LMBR1: variants seen among roughly 807,000 people sequenced by gnomAD.
LMBR1 encodes limb development membrane protein 1.
LMBR1 carries 52 observed loss-of-function variants against 73.9 expected under a neutral mutation model. The observed-to-expected ratio is 0.70, with a 90% CI of 0.56 to 0.89. The LOEUF is 0.89. Ranked by LOEUF, LMBR1 falls within the 40% of genes least tolerant of loss-of-function variation. The pLI is 0.00. For synonymous variants in LMBR1, 215 were observed against 209.4 expected (o/e 1.03, Z -0.23); for missense variants, 539 against 579.8 (o/e 0.93, Z 0.72).
rs570526159 is a variant in LMBR1, at chr7:156,867,909, A to G, written c.66+25019T>C. Among the ~76,000 whole-genome samples, 78 of 152,348 alleles carry G rather than the reference A, an allele frequency of 5.1e-4. 1 individual carries two copies. The highest frequency in any genetic ancestry group is 8.1e-4 in the Non-Finnish European group (55 of 68,044). ...TAAAAACTACCGAATTGGATAAATT[A>G]TATGGTATGTGAATTAAATCAATAA... is the stretch of plus-strand genomic sequence containing the variant. On this transcript the variant is annotated intron_variant, in intron 1 of 16. Transcript: ENST00000353442.
At chr7:156,798,662 TG>T (rs1830434122) in intron 4 of LMBR1, among the ~76,000 whole-genome samples, 1 of 152,176 alleles carries the variant, frequency 6.6e-6, no homozygotes, top group African/African-American at 2.4e-5. Context: ...TTCAGATATG[TG>T]GGGTATAACA....
chr7:156,767,561 A>T (rs1459320627), intron 5 of LMBR1, among the ~76,000 whole-genome samples: 1 of 152,102 alleles, frequency 6.6e-6, no homozygotes, highest in African/African-American at 2.4e-5. Context: ...AAGTTAAATA[A>T]TGCTACTAAA....
intron 5 of LMBR1, among the ~76,000 whole-genome samples, chr7:156,788,946 G>A (rs1261627568): frequency 6.6e-6 from 1 of 152,160 alleles, no homozygotes; most frequent in Non-Finnish European, 1.5e-5. Context: ...TACTTGGAAG[G>A]CTGAGGCAGG....
At chr7:156,868,341 A>T (rs1798771426) in intron 1 of LMBR1, among the ~76,000 whole-genome samples, 2 of 151,930 alleles carry the variant, frequency 1.3e-5, no homozygotes, top group South Asian at 2.1e-4. Context: ...TTACAGGCAC[A>T]CACCCCCATG....
At position 156,893,165 on chromosome 7, in the gene LMBR1, C is replaced by T. The variant is rs1446668459; in HGVS notation, c.-172G>A. On this transcript the variant is annotated 5_prime_UTR_variant, in exon 1 of 17. Coordinates refer to ENST00000353442, the MANE Select transcript of LMBR1 (RefSeq NM_022458.4). ...ACACCGGCCGTCGCCTCAGCAGCCT[C>T]AGACGAGCAGCTCTGACTAAGGGAG... The T allele has an allele frequency of 3.8e-6, 2 of 523,884 alleles. No homozygotes were observed. Among genetic ancestry groups the T allele is most frequent in the Non-Finnish European group, 6.0e-6 (2 of 334,730 alleles). The allele number at this position is 523,884 out of a possible 1,614,324, so 32.5% of individuals were successfully genotyped here. A position where few individuals can be genotyped will look rare whatever the true frequency, so the allele number is the denominator to read the frequency against.
chr7:156,883,300 G>A (rs1345790014), intron 1 of LMBR1, among the ~76,000 whole-genome samples: 1 of 148,238 alleles, frequency 6.7e-6, no homozygotes, highest in Non-Finnish European at 1.5e-5. Context: ...TTGGGAGGCT[G>A]AGGCAGGAGA....
At chr7:156,825,066 T>C (rs1835437781) in intron 4 of LMBR1, among the ~76,000 whole-genome samples, 1 of 152,156 alleles carries the variant, frequency 6.6e-6, no homozygotes, top group South Asian at 2.1e-4. Flanking sequence ...AACTCAGAAA[T>C]TCCAAATTCA....
At chr7:156,751,365 C>T (rs929905413) in intron 9 of LMBR1, among the ~76,000 whole-genome samples, 2 of 152,198 alleles carry the variant, frequency 1.3e-5, no homozygotes, top group African/African-American at 4.8e-5. Flanking sequence ...GAGGAAAACA[C>T]AATAAAAATG....
intron 1 of LMBR1, among the ~76,000 whole-genome samples, chr7:156,883,871 G>T (rs796204026): frequency 1.1e-4 from 17 of 152,148 alleles, no homozygotes; most frequent in African/African-American, 4.1e-4. Flanking sequence ...ATAATTCAGG[G>T]TAATTCTCCT....
At chr7:156,698,090 G>A (rs182249789) in intron 15 of LMBR1, among the ~76,000 whole-genome samples, 15 of 152,296 alleles carry the variant, frequency 9.8e-5, no homozygotes, top group African/African-American at 3.1e-4. Context: ...ACAGGCCACA[G>A]ACAAGTCCAA....
chr7:156,675,678 C>CTCACCGCTG, downstream of LMBR1: 1 of 1,591,310 alleles, frequency 6.3e-7, no homozygotes, highest in Non-Finnish European at 8.6e-7. Context: ...AGCTTACCCG[C>CTCACCGCTG]CCCCGCCTCC....
At position 156,725,543 on chromosome 7, in the gene LMBR1, A is replaced by G; in HGVS notation, c.1068-18T>C. 1 of 1,532,606 alleles carries G rather than the reference A, an allele frequency of 6.5e-7. No individual in the cohort carries two copies. The allele number at this position is 1,532,606 out of a possible 1,614,324, so 94.9% of individuals were successfully genotyped here. On this transcript the variant is annotated intron_variant, in intron 13 of 16. Transcript: ENST00000353442. ...TAAGATAGCTGTGAGAATCAAGGAA[A>G]AAAACTCTCCAACAGAATGCAAGTT...
chr7:156,841,745 G>C (rs921760113), intron 1 of LMBR1, among the ~76,000 whole-genome samples: 1 of 152,050 alleles, frequency 6.6e-6, no homozygotes, highest in Non-Finnish European at 1.5e-5. Context: ...GAGTAGTGGA[G>C]GTAAAACCCT....
intron 1 of LMBR1, among the ~76,000 whole-genome samples, chr7:156,864,133 G>T (rs1586312773): frequency 6.6e-6 from 1 of 152,082 alleles, no homozygotes; most frequent in East Asian, 1.9e-4. Context: ...CAGCCTGGGT[G>T]AAAGCAAGAC....
intron 15 of LMBR1, among the ~76,000 whole-genome samples, chr7:156,698,574 C>A (rs185729535): frequency 2.0e-5 from 3 of 152,320 alleles, no homozygotes; most frequent in African/African-American, 7.2e-5. Flanking sequence ...CACATAGAAG[C>A]TGCCAAAGCT....
chr7:156,842,457 G>A (rs1182608523), intron 1 of LMBR1, among the ~76,000 whole-genome samples: 1 of 152,156 alleles, frequency 6.6e-6, no homozygotes, highest in Non-Finnish European at 1.5e-5. Flanking sequence ...ATTATCTGTT[G>A]AGTGACCTTG....
downstream of LMBR1, chr7:156,676,870 G>T: frequency 1.9e-6 from 1 of 538,606 alleles, no homozygotes; most frequent in Non-Finnish European, 3.3e-6. Context: ...AAATTTATGA[G>T]TTTAATCACT....
chr7:156,724,240 G>A (rs1006096043), intron 14 of LMBR1, 62 bp from the exon 15 acceptor site: 4 of 1,249,136 alleles, frequency 3.2e-6, no homozygotes, highest in Admixed American at 3.7e-5. Flanking sequence ...ATCAAACCCA[G>A]TAACATTCTG....
Position 156,679,897 on chromosome 7 carries a change from T to A in LMBR1, c.*4181A>T, listed in dbSNP as rs1352763076. On this transcript the variant is annotated 3_prime_UTR_variant, in exon 17 of 17. Transcript: ENST00000353442. ...TTGATTATAGTTAACCTTGAAAAAA[T>A]TTTTTCCTAATTAAAGAACACAGAA... The A allele has an allele frequency of 6.6e-6, 1 of 152,138 alleles. No individual in the cohort carries two copies. Among genetic ancestry groups the A allele is most frequent in the Non-Finnish European group, 1.5e-5 (1 of 68,024 alleles). 9.4% of individuals were successfully genotyped at this position (152,138 alleles called of 1,614,324 possible).
Sources: gnomAD v4.1 joint callset for allele counts (sites outside exome capture counted in the v4.1 genomes callset) on GRCh38, gnomAD v4.1.1 for gene constraint, MANE v1.5 for transcripts, NCBI Gene and HGNC (gene_info 2026-07-23, HGNC 2026-07-21) for gene names.